BBOF1: variants seen among roughly 807,000 people sequenced by gnomAD.
BBOF1 encodes basal body-orientation factor 1.
A neutral mutation model predicts 68.0 loss-of-function variants in BBOF1; 62 were observed. The ratio of observed to expected loss-of-function variants is 0.91; its 90% CI spans 0.74 to 1.13. The LOEUF (loss-of-function observed/expected upper bound fraction) is 1.13, where lower values mean the gene tolerates loss of function less well. Ranked by LOEUF, BBOF1 falls within the 50% of genes most tolerant of loss-of-function variation. The pLI, the probability that BBOF1 is intolerant of heterozygous loss-of-function variation, is 0.00. For missense variants in BBOF1, 534 were observed against 600.1 expected (o/e 0.89, Z 1.15); for synonymous variants, 208 against 198.8 (o/e 1.05, Z -0.39).
intron 9 of BBOF1, among the ~76,000 whole-genome samples, chr14:74,076,535 TTTTATTTA>T (rs2060615060): frequency 1.3e-5 from 2 of 151,532 alleles, no homozygotes; most frequent in South Asian, 4.2e-4. Context: ...CTAATTTTCT[TTTTATTTA>T]TTTATTTTTT....
At chr14:74,022,840 T>C (rs2059333828) in intron 1 of BBOF1, 76 bp from the exon 2 acceptor site, 3 of 608,598 alleles carry the variant, frequency 4.9e-6, no homozygotes, top group South Asian at 5.8e-5. Flanking sequence ...AATAGTAATA[T>C]AATAGAGTTA....
At chr14:74,070,756 G>T (rs112632403), downstream of BBOF1, 302 of 183,798 alleles carry the variant, frequency 1.6e-3, 2 homozygotes, top group African/African-American at 6.9e-3. Context: ...CTACCTCAAA[G>T]GGTGATTATA....
Position 74,034,042 on chromosome 14 carries a change from CA to C in BBOF1, c.367del (p.Arg123GlyfsTer6). The C allele has an allele frequency of 6.3e-7, 1 of 1,595,842 alleles. No individual in the cohort carries two copies. Among genetic ancestry groups the C allele is most frequent in the South Asian group, 1.1e-5 (1 of 86,992 alleles). On this transcript the variant is annotated frameshift_variant, in exon 4 of 12. Transcript: ENST00000394009. LOFTEE classifies it high-confidence loss of function. ...EKDKLEQKYT[R>X]QINELEGQFH... is the part of the protein sequence containing the mutation. Reference sequence around the variant, plus strand: ...TTTGAATACAGGAACAAAAGTATACCAGGCAAATTAATGAACTAGAGGGACA... The same window carrying C: ...TTTGAATACAGGAACAAAAGTATACCGGCAAATTAATGAACTAGAGGGACA...
rs116094311 is a variant in BBOF1, at chr14:74,038,731, C to T, written c.496-1834C>T. On this transcript the variant is annotated intron_variant, in intron 4 of 11. Transcript: ENST00000394009. The stretch of plus-strand genomic sequence containing the variant: ...GAAAAAAATTATTTCTGGCTGGGCA[C>T]AGTGGCTCATGCCTGTGATAACAGC... 1.9e-3 allele frequency among the ~76,000 whole-genome samples: 293 copies of T among 152,152 alleles called. 2 individuals are homozygous for T. Among genetic ancestry groups the T allele is most frequent in the African/African-American group, 6.7e-3 (280 of 41,526 alleles).
intron 3 of BBOF1, among the ~76,000 whole-genome samples, chr14:74,030,982 G>T (rs139347016): frequency 6.7e-6 from 1 of 150,240 alleles, no homozygotes; most frequent in Admixed American, 6.6e-5. Flanking sequence ...ATATATATAG[G>T]TTATATATAA....
chr14:74,035,365 G>A (rs1287219466), intron 4 of BBOF1, among the ~76,000 whole-genome samples: 1 of 149,428 alleles, frequency 6.7e-6, no homozygotes, highest in Non-Finnish European at 1.5e-5. Flanking sequence ...TCAAGTGGCT[G>A]TTAAGTTGGT....
rs948422942 is a variant in BBOF1, at chr14:74,075,091, T to C, written n.1380-3105T>C. 4.4e-6 allele frequency: 6 copies of C among 1,358,624 alleles called. No individual in the cohort carries two copies. The African/African-American group carries it at 7.2e-5, about 16-fold the overall frequency. 84.2% of individuals were successfully genotyped at this position (1,358,624 alleles called of 1,614,324 possible). The stretch of plus-strand genomic sequence containing the variant: ...TTTAAAATTTAGCAAATAGCTACTA[T>C]ATGCTATTTGCTATAGTATATAGGG... On this transcript the variant is annotated intron_variant and non_coding_transcript_variant, in intron 9 of 12. Transcript: ENST00000492026.
At chr14:74,069,517 G>A (rs1472474345), downstream of BBOF1, among the ~76,000 whole-genome samples, 2 of 151,854 alleles carry the variant, frequency 1.3e-5, no homozygotes, top group African/African-American at 4.8e-5. Flanking sequence ...TTGGGAGGCC[G>A]AGGCAGGTGG....
chr14:74,048,879 TAGAG>T (rs1207669023), intron 7 of BBOF1, among the ~76,000 whole-genome samples: 1 of 151,910 alleles, frequency 6.6e-6, no homozygotes, highest in Admixed American at 6.6e-5. Context: ...TATATAGTTA[TAGAG>T]AGAGAGAGAA....
intron 9 of BBOF1, among the ~76,000 whole-genome samples, chr14:74,076,061 T>A (rs1430291354): frequency 6.6e-6 from 1 of 152,184 alleles, no homozygotes; most frequent in Non-Finnish European, 1.5e-5. Context: ...AGTGGTTACC[T>A]AGGGATGACG....
rs1452882941 is a variant in BBOF1 at position 74,065,197 on chromosome 14, AAGTGGGCATATTTCCGAGC to A, written c.*504_*522del. 1 of 1,614,136 alleles carries A rather than the reference AAGTGGGCATATTTCCGAGC, an allele frequency of 6.2e-7. No individual in the cohort carries two copies. Among genetic ancestry groups the A allele is most frequent in the South Asian group, 1.1e-5 (1 of 91,086 alleles). On this transcript the variant is annotated 3_prime_UTR_variant, in exon 12 of 12. Transcript: ENST00000394009. ...TTCACGAACCTGTCCAACATCCACCAAGTGGGCATATTTCCGAGCAGTGGCTCCATTGGTGGTGAAGATG... is the reference window on the plus strand; with the variant it reads ...TTCACGAACCTGTCCAACATCCACCAAGTGGCTCCATTGGTGGTGAAGATG...
At chr14:74,071,413 G>T (rs1421701116) in intron 9 of BBOF1, 2 of 1,614,166 alleles carry the variant, frequency 1.2e-6, no homozygotes, top group Non-Finnish European at 1.7e-6. Flanking sequence ...CAGACGGTAG[G>T]AATAAAGGTC....
chr14:74,080,904 T>C (rs12100627), intron 10 of BBOF1, among the ~76,000 whole-genome samples: 1,577 of 152,336 alleles, frequency 0.01, 32 homozygotes, highest in African/African-American at 0.036. Flanking sequence ...AAACGCTACA[T>C]AGTATCTTTG....
chr14:74,050,683 C>T (rs2060047164), intron 8 of BBOF1, among the ~76,000 whole-genome samples: 1 of 152,222 alleles, frequency 6.6e-6, no homozygotes, highest in South Asian at 2.1e-4. Context: ...GCGTGAGCCA[C>T]TGCACCAATC....
intron 9 of BBOF1, among the ~76,000 whole-genome samples, chr14:74,073,291 A>T (rs2060574719): frequency 1.3e-5 from 2 of 151,344 alleles, no homozygotes; most frequent in South Asian, 4.2e-4. Flanking sequence ...CTTTTGATAG[A>T]GACGGGGTTT....
In BBOF1 at chr14:74,065,119, C is replaced by G; in HGVS notation, c.*420C>G. The G allele has an allele frequency of 6.3e-7, 1 of 1,584,404 alleles. No homozygotes were observed. The highest frequency in any genetic ancestry group is 1.1e-5 in the South Asian group (1 of 90,002). ...TAAACCAATGACTCACCATTATTTA[C>G]TGTTTCCTCTTAGGAAATAGTAAAT... On this transcript the variant is annotated 3_prime_UTR_variant, in exon 12 of 12. Transcript: ENST00000394009.
At chr14:74,056,117 C>T (rs889070117) in intron 9 of BBOF1, among the ~76,000 whole-genome samples, 4 of 151,774 alleles carry the variant, frequency 2.6e-5, no homozygotes, top group Non-Finnish European at 4.4e-5. Flanking sequence ...CTATAACCTC[C>T]ACTTCCCAGG....
chr14:74,055,182 C>T (rs1566817051), intron 8 of BBOF1: 2 of 154,786 alleles, frequency 1.3e-5, no homozygotes, highest in South Asian at 1.8e-4. Flanking sequence ...GAGTTTCACT[C>T]TTTTCTCCCA....
At chr14:74,051,377 C>T (rs1176475707) in intron 8 of BBOF1, among the ~76,000 whole-genome samples, 1 of 151,660 alleles carries the variant, frequency 6.6e-6, no homozygotes, top group Non-Finnish European at 1.5e-5. Context: ...TGCATCACTG[C>T]ACTCCAGCCT....
Sources: allele counts gnomAD v4.1 joint callset (sites outside exome capture counted in the v4.1 genomes callset), GRCh38; gene constraint gnomAD v4.1.1; transcripts MANE v1.5; gene names NCBI Gene and HGNC (gene_info 2026-07-23, HGNC 2026-07-21).